Variants in TTC39B observed in about 807,000 individuals in gnomAD.
TTC39B encodes the protein tetratricopeptide repeat domain 39B.
A neutral mutation model predicts 96.6 loss-of-function variants in TTC39B; 92 were observed. The ratio of observed to expected loss-of-function variants is 0.95; its 90% confidence interval spans 0.80 to 1.13. The LOEUF (loss-of-function observed/expected upper bound fraction) is 1.13, where lower values mean the gene tolerates loss of function less well. Among genes scored for constraint, TTC39B ranks in the 50% most tolerant of loss-of-function variants. The probability of loss-of-function intolerance (pLI) is 0.00; values close to 1 mark genes in which losing one functional copy is unlikely to be tolerated. For synonymous variants in TTC39B, 367 were observed against 299.4 expected, an observed-to-expected ratio of 1.23 and a Z score of -2.33; for missense variants, 955 against 809.3, an observed-to-expected ratio of 1.18 and a Z score of -2.18.
At chr9:15,202,449 C>G (rs538432635) in intron 7 of TTC39B, among the ~76,000 whole-genome samples, 4 of 152,118 alleles carry the variant, frequency 2.6e-5, no homozygotes, top group Admixed American at 6.5e-5. Flanking sequence ...CAGTGGCTCA[C>G]GTCTATAATC....
chr9:15,182,331 CT>C lies in TTC39B; in HGVS notation c.1698del (p.Ala567LeufsTer20). ...CTTTGACTTTGTAAAGCTGCCTCAG[CT>C]TTTTCAACAGTTACTAACAGATTTT... On this transcript the variant is annotated frameshift_variant, in exon 17 of 20. Coordinates refer to ENST00000512701, the Ensembl canonical transcript of TTC39B. LOFTEE classifies it high-confidence loss of function. 1.9e-6 allele frequency: 3 copies of C among 1,611,374 alleles called. No individual in the cohort carries two copies. The highest frequency in any genetic ancestry group is 1.1e-5 in the South Asian group (1 of 90,494).
intron 7 of TTC39B, among the ~76,000 whole-genome samples, chr9:15,201,740 AG>A (rs1303613187): frequency 6.6e-6 from 1 of 152,168 alleles, no homozygotes; most frequent in Admixed American, 6.5e-5. Flanking sequence ...GTGGCTTTCA[AG>A]GACACCTGTA....
At chr9:15,207,303 T>A (rs1819921821) in intron 6 of TTC39B, among the ~76,000 whole-genome samples, 1 of 152,356 alleles carries the variant, frequency 6.6e-6, no homozygotes, top group East Asian at 1.9e-4. Flanking sequence ...CCCAGCCTAC[T>A]TTTTATAATT....
intron 1 of TTC39B, among the ~76,000 whole-genome samples, chr9:15,276,860 G>A (rs28406466): frequency 0.016 from 2,506 of 152,186 alleles, 68 homozygotes; most frequent in African/African-American, 0.058. Flanking sequence ...CTTAAAACAG[G>A]CTCAATAAAT....
chr9:15,204,601 C>T lies in TTC39B; in HGVS notation c.692-711G>A, dbSNP rs536597851. The stretch of plus-strand genomic sequence containing the variant: ...AAAAACTAAATTAAATGTATGAATG[C>T]TAGCTTCTAAAATATGAAGGTATGG... On this transcript the variant is annotated intron_variant, in intron 6 of 19. Transcript: ENST00000512701. Among the ~76,000 whole-genome samples, 5 of 152,032 alleles carry T rather than the reference C, an allele frequency of 3.3e-5. No individual in the cohort carries two copies. The East Asian group carries it at 7.7e-4, about 24-fold the overall frequency.
chr9:15,214,318 G>T, intron 3 of TTC39B, 69 bp from the exon 4 acceptor site: 1 of 549,954 alleles, frequency 1.8e-6, no homozygotes. Context: ...CGAAGGGAGT[G>T]TGTGTGTGTG....
rs778387534 is a variant in TTC39B at position 15,225,885 on chromosome 9, T to C, written c.371+32A>G. On this transcript the variant is annotated intron_variant, in intron 3 of 19. Coordinates refer to ENST00000512701, the Ensembl canonical transcript of TTC39B. ...TCAAGGGTGGGACTGTCCTCCCCTC[T>C]TCCCCCAGGAATGCCCACAACCCTT... The C allele has an allele frequency of 8.1e-6, 13 of 1,596,270 alleles. No individual in the cohort carries two copies. In the African/African-American group the frequency reaches 1.6e-4, roughly 20 times the overall value.
chr9:15,251,708 T>C (rs1386693250), intron 2 of TTC39B, among the ~76,000 whole-genome samples: 15 of 87,052 alleles, frequency 1.7e-4, no homozygotes, highest in South Asian at 1.3e-3. Flanking sequence ...TACATATATA[T>C]ATATATATAT....
intron 1 of TTC39B, among the ~76,000 whole-genome samples, chr9:15,295,349 G>A (rs1330561490): frequency 6.6e-6 from 1 of 152,140 alleles, no homozygotes; most frequent in African/African-American, 2.4e-5. Context: ...GGCAGGAGGT[G>A]GGCAGGCTGC....
Position 15,214,239 on chromosome 9 carries a change from T to G in TTC39B, c.382A>C (p.Thr128Pro), listed in dbSNP as rs10961917. 9.6e-3 allele frequency: 15,540 copies of G among 1,613,410 alleles called. 97 individuals are homozygous for G. Among genetic ancestry groups the G allele is most frequent in the Non-Finnish European group, 0.011 (12,505 of 1,179,570 alleles). ...AGGCCACTCTTGAGATCCACCTTGG[T>G]TGATGATGAACTAAAGATCAAGAAA... Residue 128 changes from threonine to proline, a missense_variant, in exon 4 of 20, where the codon ACC becomes CCC. Thr to Pro is a conservative substitution (Grantham distance 38). Coordinates refer to ENST00000512701, the Ensembl canonical transcript of TTC39B.
chr9:15,207,790 C>A (rs1174100088), intron 6 of TTC39B, among the ~76,000 whole-genome samples: 3 of 151,518 alleles, frequency 2.0e-5, no homozygotes, highest in Admixed American at 2.0e-4. Context: ...TTGAGACATC[C>A]TGGCTAACGT....
At chr9:15,200,364 T>G (rs1450814663) in intron 7 of TTC39B, among the ~76,000 whole-genome samples, 1 of 152,210 alleles carries the variant, frequency 6.6e-6, no homozygotes, top group African/African-American at 2.4e-5. Flanking sequence ...TTTCACAGAG[T>G]ACTTTAGCAG....
chr9:15,177,382 C>CA (rs1319877555), intron 18 of TTC39B, among the ~76,000 whole-genome samples: 2 of 151,736 alleles, frequency 1.3e-5, no homozygotes, highest in Non-Finnish European at 2.9e-5. Flanking sequence ...ATGTAAAAAA[C>CA]AAAAAAATTA....
chr9:15,288,125 A>G (rs1202846362), intron 1 of TTC39B, among the ~76,000 whole-genome samples: 1 of 152,118 alleles, frequency 6.6e-6, no homozygotes, highest in African/African-American at 2.4e-5. Context: ...CCAGATGAAA[A>G]AGCATACCAA....
chr9:15,191,132 G>C, intron 10 of TTC39B, 58 bp downstream of exon 10: 1 of 1,279,202 alleles, frequency 7.8e-7, no homozygotes, highest in Non-Finnish European at 1.1e-6. Context: ...TTGCCCTCAT[G>C]TTCAATAAAT....
intron 2 of TTC39B, among the ~76,000 whole-genome samples, chr9:15,248,101 G>T (rs1822366362): frequency 6.6e-6 from 1 of 152,206 alleles, no homozygotes; most frequent in African/African-American, 2.4e-5. Flanking sequence ...ATTTACCATA[G>T]ATACTGGGCC....
At chr9:15,188,500 C>A (rs1223843906) in intron 13 of TTC39B, among the ~76,000 whole-genome samples, 1 of 152,118 alleles carries the variant, frequency 6.6e-6, no homozygotes, top group African/African-American at 2.4e-5. Context: ...ATCTACGTAA[C>A]TGGCAAAAGG....
intron 2 of TTC39B, among the ~76,000 whole-genome samples, chr9:15,228,978 C>T (rs1385811164): frequency 2.6e-5 from 4 of 152,176 alleles, no homozygotes; most frequent in South Asian, 2.1e-4. Flanking sequence ...GGAAATTCTA[C>T]AGTATTTCTA....
At chr9:15,204,980 T>C (rs991816504) in intron 6 of TTC39B, among the ~76,000 whole-genome samples, 1 of 152,186 alleles carries the variant, frequency 6.6e-6, no homozygotes, top group Non-Finnish European at 1.5e-5. Flanking sequence ...TCTTGCTCTA[T>C]CCATGGGATG....
Sources: allele counts gnomAD v4.1 joint callset (sites outside exome capture counted in the v4.1 genomes callset), GRCh38; gene constraint gnomAD v4.1.1; transcripts MANE v1.5; gene names NCBI Gene and HGNC (gene_info 2026-07-23, HGNC 2026-07-21).